ADGRL3: variants seen among roughly 807,000 people sequenced by gnomAD.
ADGRL3 encodes the protein adhesion G protein-coupled receptor L3.
ADGRL3 carries 62 observed loss-of-function variants against 153.5 expected under a neutral mutation model. The ratio of observed to expected loss-of-function variants is 0.40; its 90% confidence interval spans 0.33 to 0.50. ADGRL3 has a LOEUF of 0.50. Among genes scored for constraint, ADGRL3 ranks in the 20% least tolerant of loss-of-function variants. The pLI is 0.47. For missense variants in ADGRL3, 1,641 were observed against 1,859.4 expected, an observed-to-expected ratio of 0.88 and a Z score of 2.16; for synonymous variants, 710 against 672.5, an observed-to-expected ratio of 1.06 and a Z score of -0.86.
chr4:61,968,160 C>T (rs79409010), intron 17 of ADGRL3, among the ~76,000 whole-genome samples: 1 of 152,296 alleles, frequency 6.6e-6, no homozygotes, highest in East Asian at 1.9e-4. Context: ...ATATTCAAAC[C>T]ACAGCAGATT....
At chr4:61,967,554 T>C (rs1404924426) in intron 17 of ADGRL3, among the ~76,000 whole-genome samples, 1 of 152,216 alleles carries the variant, frequency 6.6e-6, no homozygotes, top group African/African-American at 2.4e-5. Flanking sequence ...GTAGCTTTAC[T>C]AAATAGCTTT....
At chr4:61,783,486 T>C (rs1411328887) in intron 8 of ADGRL3, among the ~76,000 whole-genome samples, 1 of 152,110 alleles carries the variant, frequency 6.6e-6, no homozygotes, top group Non-Finnish European at 1.5e-5. Context: ...ATAGGAAATA[T>C]CTTGAAAAGA....
chr4:61,558,748 C>T lies in ADGRL3; in HGVS notation c.260-28479C>T, dbSNP rs146773425. On this transcript the variant is annotated intron_variant, in intron 4 of 26. Transcript: ENST00000683033. ...TTTAAAATTGCTCCAGGAACATCAT[C>T]GTTATTCAAGTTTTTTCTGCAAAAT... is the stretch of plus-strand genomic sequence containing the variant. 5.0e-3 allele frequency among the ~76,000 whole-genome samples: 759 copies of T among 152,038 alleles called. 10 individuals are homozygous for T. The highest frequency in any genetic ancestry group is 0.016 in the African/African-American group (683 of 41,518).
At chr4:61,463,301 T>C (rs1353574571) in intron 2 of ADGRL3, among the ~76,000 whole-genome samples, 1 of 152,142 alleles carries the variant, frequency 6.6e-6, no homozygotes, top group Non-Finnish European at 1.5e-5. Context: ...TGACTCACAG[T>C]TCCACAGGCT....
intron 9 of ADGRL3, among the ~76,000 whole-genome samples, chr4:61,841,102 A>G (rs559689232): frequency 2.9e-4 from 44 of 152,300 alleles, no homozygotes; most frequent in Middle Eastern, 6.8e-3. Flanking sequence ...AAGGCAAGCT[A>G]TGAGCTTACC....
intron 6 of ADGRL3, among the ~76,000 whole-genome samples, chr4:61,712,237 T>TA (rs1223913271): frequency 4.0e-5 from 6 of 151,632 alleles, no homozygotes; most frequent in Non-Finnish European, 8.8e-5. Flanking sequence ...CTACAATAAA[T>TA]AAAAAATTAG....
chr4:61,910,525 G>A (rs980555127), intron 12 of ADGRL3, among the ~76,000 whole-genome samples: 10 of 151,098 alleles, frequency 6.6e-5, no homozygotes, highest in South Asian at 4.2e-4. Context: ...CAAAATATCA[G>A]GTGGTGAATT....
chr4:61,506,960 A>G (rs2098434781), intron 3 of ADGRL3, among the ~76,000 whole-genome samples: 1 of 152,174 alleles, frequency 6.6e-6, no homozygotes, highest in Non-Finnish European at 1.5e-5. Context: ...CTCTGTATTT[A>G]TAAAAGAACA....
At chr4:61,611,818 G>A (rs2091390717) in intron 5 of ADGRL3, among the ~76,000 whole-genome samples, 1 of 152,040 alleles carries the variant, frequency 6.6e-6, no homozygotes, top group Admixed American at 6.6e-5. Context: ...CTACTCAGGA[G>A]GCTGAGGTGG....
intron 2 of ADGRL3, among the ~76,000 whole-genome samples, chr4:61,405,629 A>G (rs1456864): frequency 0.031 from 4,712 of 152,104 alleles, 225 homozygotes; most frequent in East Asian, 0.21. Flanking sequence ...TATATGCTAA[A>G]TATTAGTACA....
At chr4:61,480,444 G>A (rs2098119784) in intron 2 of ADGRL3, among the ~76,000 whole-genome samples, 1 of 152,048 alleles carries the variant, frequency 6.6e-6, no homozygotes, top group Admixed American at 6.6e-5. Flanking sequence ...TTCAAAATAT[G>A]TAAGGAACTC....
At chr4:61,434,485 A>G (rs962297970) in intron 2 of ADGRL3, among the ~76,000 whole-genome samples, 1 of 152,124 alleles carries the variant, frequency 6.6e-6, no homozygotes, top group African/African-American at 2.4e-5. Context: ...AATTCAGTGC[A>G]TTCATGTAGT....
chr4:61,970,880 T>A (rs1162813796), intron 17 of ADGRL3, among the ~76,000 whole-genome samples: 2 of 152,128 alleles, frequency 1.3e-5, no homozygotes, highest in South Asian at 4.1e-4. Context: ...CCTCTGTGTC[T>A]GATGACCTGG....
intron 1 of ADGRL3, among the ~76,000 whole-genome samples, chr4:61,233,507 T>C (rs1188139117): frequency 6.6e-6 from 1 of 152,154 alleles, no homozygotes; most frequent in East Asian, 1.9e-4. Context: ...AGAAGGCAGC[T>C]TGTTCTATTA....
Position 61,733,535 on chromosome 4 carries a change from A to G in ADGRL3, c.1380A>G (p.Gly460=). Residue 460 remains glycine, a synonymous_variant, in exon 8 of 27, where the codon GGA becomes GGG. Coordinates refer to ENST00000683033, the MANE Select transcript of ADGRL3 (RefSeq NM_001387552.1). ...YHVVKYSLDF[G]PLDSRSGQAH... ...TCGTGAAATATTCTTTGGATTTTGGACCTCTGGATAGTAGATCAGGTAAGT... is the reference window on the plus strand; with the variant it reads ...TCGTGAAATATTCTTTGGATTTTGGGCCTCTGGATAGTAGATCAGGTAAGT... 1.2e-6 allele frequency: 2 copies of G among 1,612,270 alleles called. No homozygotes were observed. Among genetic ancestry groups the G allele is most frequent in the South Asian group, 1.1e-5 (1 of 90,918 alleles).
At chr4:61,806,940 A>T (rs2097559082) in intron 8 of ADGRL3, among the ~76,000 whole-genome samples, 1 of 152,034 alleles carries the variant, frequency 6.6e-6, no homozygotes, top group East Asian at 1.9e-4. Context: ...GTCTTTCCTG[A>T]GTCACCCCAA....
At chr4:61,444,053 G>A (rs1380001133) in intron 2 of ADGRL3, among the ~76,000 whole-genome samples, 1 of 152,120 alleles carries the variant, frequency 6.6e-6, no homozygotes, top group African/African-American at 2.4e-5. Context: ...CAGACAAAGG[G>A]ACTGTCTTTG....
rs371508867 is a variant in ADGRL3, at chr4:61,979,587, C to T, written c.2830C>T (p.Leu944Phe). The T allele has an allele frequency of 3.7e-6, 6 of 1,613,782 alleles. No individual in the cohort carries two copies. The African/African-American group carries it at 8.0e-5, about 22-fold the overall frequency. Residue 944 changes from leucine to phenylalanine, a missense_variant, in exon 18 of 27, where the codon CTT (leucine) becomes TTT (phenylalanine). This residue lies in a region of ADGRL3 where 734 missense variants were observed against 797.0 expected (regional missense o/e 0.92). Transcript: ENST00000683033. ...VKHSDAVHDL[L>F]LDVITWVGIL... ...GCACAGTGATGCGGTCCATGACCTCCTTCTGGATGTGATCACGTGGGTTGG... is the reference window on the plus strand; with the variant it reads ...GCACAGTGATGCGGTCCATGACCTCTTTCTGGATGTGATCACGTGGGTTGG...
At chr4:61,215,540 AATTT>A (rs1163773618) in intron 1 of ADGRL3, among the ~76,000 whole-genome samples, 5 of 122,904 alleles carry the variant, frequency 4.1e-5, no homozygotes, top group African/African-American at 1.5e-4. Flanking sequence ...TCTATTATGG[AATTT>A]TTTTTTTTTT....
Sources: gnomAD v4.1 joint callset for allele counts (sites outside exome capture counted in the v4.1 genomes callset) on GRCh38, gnomAD v4.1.1 for gene constraint, gnomAD v4.1.1 regional missense constraint, MANE v1.5 for transcripts, NCBI Gene and HGNC (gene_info 2026-07-23, HGNC 2026-07-21) for gene names.